PRKCE: variants seen among roughly 807,000 people sequenced by gnomAD.
PRKCE encodes the protein protein kinase C epsilon, also known as protein kinase C epsilon type.
PRKCE carries 16 observed loss-of-function variants against 85.4 expected under a neutral mutation model. The ratio of observed to expected loss-of-function variants is 0.19; its 90% CI spans 0.13 to 0.28. PRKCE has a LOEUF of 0.28. PRKCE is among the 10% of genes least tolerant of loss of function. The pLI is 1.00. For missense variants in PRKCE, 573 were observed against 975.2 expected (o/e 0.59, Z 5.49); for synonymous variants, 388 against 371.5 (o/e 1.04, Z -0.51).
chr2:45,790,145 A>C (rs1391106734), intron 1 of PRKCE, among the ~76,000 whole-genome samples: 1 of 152,174 alleles, frequency 6.6e-6, no homozygotes, highest in Non-Finnish European at 1.5e-5. Flanking sequence ...AGTATTGTCT[A>C]CCGTGCATTT....
chr2:45,989,896 T>C (rs1417643118), intron 6 of PRKCE, among the ~76,000 whole-genome samples: 5 of 152,332 alleles, frequency 3.3e-5, no homozygotes, highest in African/African-American at 1.2e-4. Flanking sequence ...AAAGGCTTTC[T>C]TTATATTCTC....
At chr2:45,712,217 G>A (rs1176850792) in intron 1 of PRKCE, among the ~76,000 whole-genome samples, 16 of 130,072 alleles carry the variant, frequency 1.2e-4, no homozygotes, top group African/African-American at 3.5e-4. Flanking sequence ...GTGCAATCTC[G>A]GCTTACTGCA....
In PRKCE at chr2:45,954,334, A is replaced by G. The variant is rs183190986; in HGVS notation, c.413-22095A>G. On this transcript the variant is annotated intron_variant, in intron 2 of 14. Transcript: ENST00000306156. ...GAGGCCAGGTAGAAAATTTCTGAAG[A>G]GCAGACAATTTTCTTGTGATCAAAT... Among the ~76,000 whole-genome samples the G allele has an allele frequency of 3.6e-3, 553 of 152,354 alleles. 3 individuals are homozygous for G. Among genetic ancestry groups the G allele is most frequent in the Non-Finnish European group, 6.0e-3 (408 of 68,032 alleles).
chr2:45,733,380 A>T (rs1681756515), intron 1 of PRKCE, among the ~76,000 whole-genome samples: 1 of 152,214 alleles, frequency 6.6e-6, no homozygotes, highest in South Asian at 2.1e-4. Flanking sequence ...GAGCACAGAA[A>T]ACAGATAAGG....
chr2:46,030,779 T>C (rs751064936), intron 10 of PRKCE, among the ~76,000 whole-genome samples: 1 of 152,252 alleles, frequency 6.6e-6, no homozygotes, highest in Non-Finnish European at 1.5e-5. Flanking sequence ...CCACCATTTG[T>C]TTCTCCTAGC....
At chr2:45,879,403 C>A (rs1194462457) in intron 2 of PRKCE, among the ~76,000 whole-genome samples, 1 of 152,110 alleles carries the variant, frequency 6.6e-6, no homozygotes, top group African/African-American at 2.4e-5. Flanking sequence ...CTGATTTTTT[C>A]CTGGACACTG....
intron 1 of PRKCE, among the ~76,000 whole-genome samples, chr2:45,834,928 T>G (rs1020260029): frequency 6.6e-6 from 1 of 152,256 alleles, no homozygotes; most frequent in African/African-American, 2.4e-5. Flanking sequence ...ACAGACAGAT[T>G]TAAATAATTC....
At chr2:46,127,699 G>A (rs796717926) in intron 11 of PRKCE, among the ~76,000 whole-genome samples, 3 of 152,326 alleles carry the variant, frequency 2.0e-5, no homozygotes, top group East Asian at 1.9e-4. Context: ...TTACCATTGA[G>A]GATCAAGGGG....
At chr2:45,866,373 T>C (rs1031043441) in intron 2 of PRKCE, among the ~76,000 whole-genome samples, 1 of 152,210 alleles carries the variant, frequency 6.6e-6, no homozygotes, top group Non-Finnish European at 1.5e-5. Flanking sequence ...AGTGGCACGA[T>C]CTCAGCTCAC....
chr2:45,880,491 A>G (rs996874851), intron 2 of PRKCE, among the ~76,000 whole-genome samples: 1 of 152,180 alleles, frequency 6.6e-6, no homozygotes, highest in African/African-American at 2.4e-5. Flanking sequence ...GCCGAGCCCA[A>G]TCTTATCTTA....
chr2:46,181,450 A>C (rs1382502648), intron 14 of PRKCE, among the ~76,000 whole-genome samples: 1 of 152,222 alleles, frequency 6.6e-6, no homozygotes, highest in African/African-American at 2.4e-5. Flanking sequence ...TACTCTCTCA[A>C]ATGCCACAGA....
rs777188116 is a variant in PRKCE at position 45,868,214 on chromosome 2, C to CTT, written c.412+25172_412+25173dup. The stretch of plus-strand genomic sequence containing the variant: ...GGTCTGGTTGGGGGGTGTAACGGAG[C>CTT]TTTTTTTTTTTTTTTTTTTTTTGTT... On this transcript the variant is annotated intron_variant, in intron 2 of 14. Coordinates refer to ENST00000306156, the MANE Select transcript of PRKCE (RefSeq NM_005400.3). Among the ~76,000 whole-genome samples the CTT allele has an allele frequency of 2.5e-3, 201 of 79,874 alleles. 1 individual carries two copies. Among genetic ancestry groups the CTT allele is most frequent in the Non-Finnish European group, 2.9e-3 (129 of 44,126 alleles). The allele number at this position is 79,874 out of a possible 152,430, so 52.4% of individuals were successfully genotyped here. A position where few individuals can be genotyped will look rare whatever the true frequency, so the allele number is the denominator to read the frequency against.
In PRKCE at chr2:45,895,020, C is replaced by T. The variant is rs532783143; in HGVS notation, c.412+51957C>T. ...TTACAGGCATCAGCCCCTGTGCCCC[C>T]GTTCGTTTGTTTTGAGTGAACACAT... On this transcript the variant is annotated intron_variant, in intron 2 of 14. Coordinates refer to ENST00000306156, the MANE Select transcript of PRKCE (RefSeq NM_005400.3). The surrounding 1 kb of genome is among the most constrained non-coding windows in gnomAD (Gnocchi z 4.8). Among the ~76,000 whole-genome samples, 11 of 152,270 alleles carry T rather than the reference C, an allele frequency of 7.2e-5. No individual in the cohort carries two copies. Among genetic ancestry groups the T allele is most frequent in the East Asian group, 1.9e-4 (1 of 5,178 alleles).
rs1442935244 is a variant in PRKCE, at chr2:46,186,324, A to C, written c.*1443A>C. ...ATTTCCCAGCTGCCCCTAAATATAT[A>C]TACTTGTGAGTGGCAAAGTGGCACT... On this transcript the variant is annotated 3_prime_UTR_variant, in exon 15 of 15. Coordinates refer to ENST00000306156, the MANE Select transcript of PRKCE (RefSeq NM_005400.3). 6.6e-6 allele frequency: 1 copy of C among 152,618 alleles called. No individual in the cohort carries two copies. Among genetic ancestry groups the C allele is most frequent in the Non-Finnish European group, 1.5e-5 (1 of 68,046 alleles). The allele number at this position is 152,618 out of a possible 1,614,324, so 9.5% of individuals were successfully genotyped here.
chr2:46,150,802 T>C (rs1338838872), intron 12 of PRKCE, among the ~76,000 whole-genome samples: 1 of 152,204 alleles, frequency 6.6e-6, no homozygotes, highest in African/African-American at 2.4e-5. Flanking sequence ...AATAGGAATT[T>C]GTTCCCACTG....
intron 2 of PRKCE, among the ~76,000 whole-genome samples, chr2:45,847,233 TA>T (rs1190093092): frequency 2.0e-5 from 3 of 152,240 alleles, no homozygotes; most frequent in African/African-American, 7.2e-5. Flanking sequence ...CCGTGGCCCT[TA>T]ATGCTAGAGG....
chr2:46,036,941 C>T (rs998570910), intron 10 of PRKCE, among the ~76,000 whole-genome samples: 8 of 152,206 alleles, frequency 5.3e-5, no homozygotes, highest in Non-Finnish European at 2.9e-5. Flanking sequence ...CCCCCATCCT[C>T]TTCTCCCAGT....
chr2:45,832,661 A>G (rs144889327), intron 1 of PRKCE, among the ~76,000 whole-genome samples: 7 of 152,268 alleles, frequency 4.6e-5, no homozygotes, highest in African/African-American at 1.2e-4. Flanking sequence ...GACAGCTCAC[A>G]ACGTGTTCTT....
intron 1 of PRKCE, among the ~76,000 whole-genome samples, chr2:45,838,885 T>C (rs755167111): frequency 2.0e-5 from 3 of 152,164 alleles, no homozygotes; most frequent in Non-Finnish European, 4.4e-5. Context: ...ATAGTAGAAA[T>C]AACATTGGAC....
Sources: gnomAD v4.1 joint callset for allele counts (sites outside exome capture counted in the v4.1 genomes callset) on GRCh38, gnomAD v4.1.1 for gene constraint, Gnocchi (gnomAD v3.1) non-coding constraint, MANE v1.5 for transcripts, NCBI Gene and HGNC (gene_info 2026-07-23, HGNC 2026-07-21) for gene names.